PTPN14: variants seen among roughly 807,000 people sequenced by gnomAD.
PTPN14 encodes tyrosine-protein phosphatase non-receptor type 14.
Under a neutral mutation model 126.8 loss-of-function variants are expected in PTPN14, and 53 were observed. That is an observed-to-expected ratio of 0.42 (90% CI 0.34 to 0.53). PTPN14 has a LOEUF of 0.53. Ranked by LOEUF, PTPN14 falls within the 20% of genes least tolerant of loss-of-function variation. PTPN14 has a pLI of 0.08. For missense variants in PTPN14, 1,257 were observed against 1,552.9 expected (o/e 0.81, Z 3.20); for synonymous variants, 630 against 599.3 (o/e 1.05, Z -0.75).
intron 13 of PTPN14, among the ~76,000 whole-genome samples, chr1:214,379,802 C>T (rs1183322614): frequency 2.0e-5 from 3 of 152,242 alleles, no homozygotes; most frequent in Admixed American, 2.0e-4. Context: ...CCTGCCTTTC[C>T]AGACAGAAAC....
Position 214,464,774 on chromosome 1 carries a change from T to C in PTPN14, c.30A>G (p.Thr10=). Residue 10 remains threonine, a synonymous_variant, in exon 2 of 19, where the codon ACA becomes ACG. Transcript: ENST00000366956. ...TCTTGCTCAGGACGTTGTAGCGCCG[T>C]GTCCGGCGGAGCTTCAGACCAAAAG... MPFGLKLRR[T]RRYNVLSKNC... is the part of the protein sequence containing the mutation. 1 of 1,614,290 alleles carries C rather than the reference T, an allele frequency of 6.2e-7. No homozygotes were observed. Among genetic ancestry groups the C allele is most frequent in the Non-Finnish European group, 8.5e-7 (1 of 1,180,048 alleles).
At position 214,547,205 on chromosome 1, in the gene PTPN14, C is replaced by T. The variant is rs149959483; in HGVS notation, c.-155+3978G>A. ...ATGGCAAAGGCACTGCTGGTCTGGG[C>T]AAGATACATTTCCTCTCCCCTCCTA... On this transcript the variant is annotated intron_variant, in intron 1 of 18. Transcript: ENST00000366956. Among the ~76,000 whole-genome samples, 557 of 152,272 alleles carry T rather than the reference C, an allele frequency of 3.7e-3. 6 individuals are homozygous for T. Among genetic ancestry groups the T allele is most frequent in the African/African-American group, 0.013 (530 of 41,538 alleles).
At chr1:214,482,033 G>A (rs1436543338) in intron 1 of PTPN14, among the ~76,000 whole-genome samples, 2 of 150,448 alleles carry the variant, frequency 1.3e-5, no homozygotes, top group Non-Finnish European at 3.0e-5. Flanking sequence ...GCTATTACCT[G>A]TGCATGGATA....
At chr1:214,402,437 CAAAAAAAA>C (rs1165595746) in intron 6 of PTPN14, among the ~76,000 whole-genome samples, 7 of 48,134 alleles carry the variant, frequency 1.5e-4, no homozygotes, top group African/African-American at 3.8e-4. Context: ...GAGACTCTGT[CAAAAAAAA>C]AAAAAAAAAA....
At chr1:214,406,698 G>T (rs1571980040) in intron 5 of PTPN14, among the ~76,000 whole-genome samples, 1 of 152,162 alleles carries the variant, frequency 6.6e-6, no homozygotes, top group East Asian at 1.9e-4. Flanking sequence ...TATCTGATTT[G>T]CCTAGAGTTT....
chr1:214,439,837 G>A (rs1659999130), intron 3 of PTPN14, among the ~76,000 whole-genome samples: 2 of 152,156 alleles, frequency 1.3e-5, no homozygotes, highest in Admixed American at 1.3e-4. Flanking sequence ...CCCAGGGCTG[G>A]AGATCACTGA....
chr1:214,508,676 G>A (rs1474738262), intron 1 of PTPN14, among the ~76,000 whole-genome samples: 3 of 152,132 alleles, frequency 2.0e-5, no homozygotes, highest in Non-Finnish European at 4.4e-5. Flanking sequence ...TCCATTCCAG[G>A]TTTGCAATTT....
chr1:214,476,222 T>C (rs1215022232), intron 1 of PTPN14, among the ~76,000 whole-genome samples: 2 of 152,188 alleles, frequency 1.3e-5, no homozygotes, highest in East Asian at 3.9e-4. Context: ...TGAGAGAACC[T>C]GAGCATGTCG....
chr1:214,545,173 T>A (rs1353363359), intron 1 of PTPN14, among the ~76,000 whole-genome samples: 1 of 152,160 alleles, frequency 6.6e-6, no homozygotes, highest in Admixed American at 6.5e-5. Context: ...AAATTTGAGA[T>A]CAAAAACCCT....
intron 1 of PTPN14, among the ~76,000 whole-genome samples, chr1:214,479,371 G>A (rs762804867): frequency 6.2e-5 from 9 of 144,510 alleles, no homozygotes; most frequent in East Asian, 2.0e-4. Context: ...ATGGAGTCTC[G>A]CTCTGTCGCC....
chr1:214,378,348 G>A (rs905996057), intron 13 of PTPN14, among the ~76,000 whole-genome samples: 20 of 152,054 alleles, frequency 1.3e-4, no homozygotes, highest in African/African-American at 4.8e-4. Context: ...TAAGAAAAAA[G>A]ACTCCCTACA....
chr1:214,422,147 C>G (rs562425900), intron 3 of PTPN14, among the ~76,000 whole-genome samples: 23 of 152,316 alleles, frequency 1.5e-4, no homozygotes, highest in African/African-American at 5.5e-4. Flanking sequence ...TATGAAAGAG[C>G]GCCTAAAAAT....
At chr1:214,488,382 CA>C (rs1332775522) in intron 1 of PTPN14, among the ~76,000 whole-genome samples, 1 of 152,154 alleles carries the variant, frequency 6.6e-6, no homozygotes, top group African/African-American at 2.4e-5. Flanking sequence ...GCTGCTCTCA[CA>C]AAGCCCACCT....
chr1:214,527,871 T>A (rs1039126030), intron 1 of PTPN14, among the ~76,000 whole-genome samples: 7 of 152,224 alleles, frequency 4.6e-5, no homozygotes, highest in Non-Finnish European at 1.0e-4. Flanking sequence ...CTGTAAGGAA[T>A]GTTTAAGCAT....
chr1:214,484,574 C>A (rs1661071406), intron 1 of PTPN14, among the ~76,000 whole-genome samples: 1 of 152,126 alleles, frequency 6.6e-6, no homozygotes, highest in African/African-American at 2.4e-5. Flanking sequence ...TTTGATGAAA[C>A]AAGGGGGTTT....
intron 1 of PTPN14, among the ~76,000 whole-genome samples, chr1:214,486,313 T>C (rs545823139): frequency 6.6e-6 from 1 of 152,260 alleles, no homozygotes; most frequent in East Asian, 1.9e-4. Flanking sequence ...AAATCAAACT[T>C]TACAGAGTCT....
intron 2 of PTPN14, among the ~76,000 whole-genome samples, chr1:214,459,714 G>A (rs1007792407): frequency 1.5e-4 from 23 of 151,878 alleles, no homozygotes; most frequent in African/African-American, 4.8e-4. Context: ...TGATCCGCCT[G>A]CCTCGGCCTC....
rs557402461 is a variant in PTPN14 at position 214,356,643 on chromosome 1, A to T, written c.*1279T>A. 6.6e-6 allele frequency: 1 copy of T among 152,374 alleles called. No homozygotes were observed. The highest frequency in any genetic ancestry group is 1.9e-4 in the East Asian group (1 of 5,192). 9.4% of individuals were successfully genotyped at this position (152,374 alleles called of 1,614,324 possible). A position where few individuals can be genotyped will look rare whatever the true frequency, so the allele number is the denominator to read the frequency against. Reference sequence around the variant, plus strand: ...TGGATTTTATGAAGAAAAGGAAAGAAGCACAGGGCTCTGCCAATGACAATT... The same window carrying T: ...TGGATTTTATGAAGAAAAGGAAAGATGCACAGGGCTCTGCCAATGACAATT... On this transcript the variant is annotated 3_prime_UTR_variant, in exon 19 of 19. Coordinates refer to ENST00000366956, the MANE Select transcript of PTPN14 (RefSeq NM_005401.5).
rs1244671324 is a variant in PTPN14, at chr1:214,537,542, C to T, written c.-155+13641G>A. On this transcript the variant is annotated intron_variant, in intron 1 of 18. Transcript: ENST00000366956. ...TAGGCCAAAGATAGTGCTTACTTCACAGGGTTGCCGTAAGGATCAAGAAAG... is the reference window on the plus strand; with the variant it reads ...TAGGCCAAAGATAGTGCTTACTTCATAGGGTTGCCGTAAGGATCAAGAAAG... 5.9e-5 allele frequency among the ~76,000 whole-genome samples: 9 copies of T among 152,338 alleles called. No homozygotes were observed. The East Asian group carries it at 1.7e-3, about 29-fold the overall frequency.
Sources: allele counts gnomAD v4.1 joint callset (sites outside exome capture counted in the v4.1 genomes callset), GRCh38; gene constraint gnomAD v4.1.1; transcripts MANE v1.5; gene names NCBI Gene and HGNC (gene_info 2026-07-23, HGNC 2026-07-21).